The following SHPRH variants were observed in gnomAD, a reference collection of about 807,000 sequenced individuals.
SHPRH encodes the protein SNF2 histone linker PHD RING helicase, also known as E3 ubiquitin-protein ligase SHPRH.
A neutral mutation model predicts 202.5 loss-of-function variants in SHPRH; 106 were observed. The observed-to-expected ratio is 0.52, with a 90% CI of 0.45 to 0.62. The LOEUF is 0.62. SHPRH is among the 20% of genes least tolerant of loss of function. The pLI is 0.00. For missense variants in SHPRH, 1,710 were observed against 2,020.0 expected, an observed-to-expected ratio of 0.85 and a Z score of 2.94; for synonymous variants, 729 against 686.0, an observed-to-expected ratio of 1.06 and a Z score of -0.98.
intron 2 of SHPRH, among the ~76,000 whole-genome samples, chr6:145,869,503 GT>G (rs1779956722): frequency 6.6e-6 from 1 of 152,148 alleles, no homozygotes; most frequent in African/African-American, 2.4e-5. Flanking sequence ...TTCATTTTGA[GT>G]TAATTTTTGT....
chr6:145,864,994 C>CCTTTCTATTTA, intron 2 of SHPRH, among the ~76,000 whole-genome samples: 1 of 150,890 alleles, frequency 6.6e-6, no homozygotes, highest in African/African-American at 2.4e-5. Flanking sequence ...GACCGTGGTG[C>CCTTTCTATTTA]CTTTCTATTT....
At chr6:145,858,456 C>A in the SHPRH span, among the ~76,000 whole-genome samples, 1 of 151,778 alleles carries the variant, frequency 6.6e-6, no homozygotes, top group Non-Finnish European at 1.5e-5. Context: ...AAAAGCCATA[C>A]CAAAAAAAGT....
At chr6:145,907,589 T>C (rs1783081267) in intron 25 of SHPRH, 1 of 152,148 alleles carries the variant, frequency 6.6e-6, no homozygotes, top group Non-Finnish European at 1.5e-5. Context: ...TTCTCCTTGC[T>C]TTCTACACTT....
At chr6:145,865,545 G>A (rs1053131300) in intron 2 of SHPRH, among the ~76,000 whole-genome samples, 3 of 152,210 alleles carry the variant, frequency 2.0e-5, no homozygotes, top group African/African-American at 7.2e-5. Context: ...TAAGACAGGT[G>A]GCCTTTGACC....
chr6:145,867,627 T>TAGAG (rs1296301891), intron 2 of SHPRH, among the ~76,000 whole-genome samples: 78 of 53,776 alleles, frequency 1.5e-3, no homozygotes, highest in African/African-American at 2.8e-3. Context: ...TATATATATA[T>TAGAG]ATATAGAGAG....
At chr6:145,862,461 CAAA>C (rs386408854), downstream of SHPRH, among the ~76,000 whole-genome samples, 1 of 150,368 alleles carries the variant, frequency 6.7e-6, no homozygotes, top group Non-Finnish European at 1.5e-5. Flanking sequence ...ACAACAACAA[CAAA>C]AAACAAAAAG....
chr6:145,863,271 C>T (rs17075407), downstream of SHPRH, among the ~76,000 whole-genome samples: 1 of 152,226 alleles, frequency 6.6e-6, no homozygotes, highest in African/African-American at 2.4e-5. Context: ...AAATGAGAGA[C>T]GTGATTGCCA....
chr6:145,921,976 G>A (rs1024309882), intron 20 of SHPRH, among the ~76,000 whole-genome samples: 11 of 151,982 alleles, frequency 7.2e-5, no homozygotes, highest in Admixed American at 7.2e-4. Flanking sequence ...ACCTTGAATA[G>A]CAGTAAAATG....
At chr6:145,875,760 C>G (rs1008401026) in intron 2 of SHPRH, among the ~76,000 whole-genome samples, 3 of 152,242 alleles carry the variant, frequency 2.0e-5, no homozygotes, top group African/African-American at 7.2e-5. Flanking sequence ...CCACAGAAAG[C>G]TCTTCAGTTG....
intron 2 of SHPRH, among the ~76,000 whole-genome samples, chr6:145,953,194 T>A (rs1788159710): frequency 6.6e-6 from 1 of 152,072 alleles, no homozygotes; most frequent in Admixed American, 6.6e-5. Context: ...CCTGACTCCC[T>A]AATCACTGAG....
chr6:145,861,770 G>A (rs1486824310), downstream of SHPRH, among the ~76,000 whole-genome samples: 1 of 152,008 alleles, frequency 6.6e-6, no homozygotes, highest in Non-Finnish European at 1.5e-5. Context: ...CACATACATG[G>A]ATATAGATGT....
chr6:145,917,422 T>C (rs895558113), intron 23 of SHPRH: 2 of 152,166 alleles, frequency 1.3e-5, no homozygotes, highest in African/African-American at 4.8e-5. Flanking sequence ...CCATGCTATA[T>C]CTATAATGAA....
chr6:145,919,030 T>C (rs1344421587), intron 22 of SHPRH: 8 of 189,262 alleles, frequency 4.2e-5, no homozygotes, highest in Non-Finnish European at 1.1e-5. Flanking sequence ...GTGACAAAAA[T>C]GTCTAAAAAG....
chr6:145,950,586 C>G (rs1318830972), intron 3 of SHPRH, 104 bp from the exon 4 acceptor site: 1 of 998,602 alleles, frequency 1.0e-6, no homozygotes, highest in Non-Finnish European at 1.5e-6. Flanking sequence ...ACTCTGGGGC[C>G]TTGCTCAGTG....
chr6:145,858,706 T>C, the SHPRH span, among the ~76,000 whole-genome samples: 2 of 152,114 alleles, frequency 1.3e-5, no homozygotes, highest in Admixed American at 6.6e-5. Context: ...GTGCTGTTGA[T>C]GAAATGTGAA....
intron 4 of SHPRH, among the ~76,000 whole-genome samples, chr6:145,949,666 C>T (rs1787772927): frequency 3.3e-5 from 5 of 152,148 alleles, no homozygotes; most frequent in South Asian, 4.1e-4. Context: ...GCCCAGACTT[C>T]ACCACTATGC....
chr6:145,903,255 T>C (rs1782656189), intron 25 of SHPRH: 1 of 151,902 alleles, frequency 6.6e-6, no homozygotes, highest in Non-Finnish European at 1.5e-5. Flanking sequence ...TCAGTTTTTT[T>C]CACTCAGATG....
rs1787679680 is a variant in SHPRH, at chr6:145,948,860, A to G, written c.983-510T>C. Among the ~76,000 whole-genome samples the G allele has an allele frequency of 3.3e-5, 5 of 151,986 alleles. No individual in the cohort carries two copies. The South Asian group carries it at 1.0e-3, about 31-fold the overall frequency. Reference sequence around the variant, plus strand: ...AAAATATCTAAAACCATAACTCAGAAGTGCTGAGTTTGTTTCTACCAGAAT... The same window carrying G: ...AAAATATCTAAAACCATAACTCAGAGGTGCTGAGTTTGTTTCTACCAGAAT... On this transcript the variant is annotated intron_variant, in intron 4 of 29. Coordinates refer to ENST00000275233, the MANE Select transcript of SHPRH (RefSeq NM_001042683.3).
At position 145,943,171 on chromosome 6, in the gene SHPRH, T is replaced by A; in HGVS notation, c.2210A>T (p.His737Leu). The A allele has an allele frequency of 6.2e-7, 1 of 1,607,976 alleles. No homozygotes were observed. The highest frequency in any genetic ancestry group is 8.5e-7 in the Non-Finnish European group (1 of 1,176,276). The change falls in exon 9 of 30, where the codon CAT (histidine) becomes CTT (leucine). Residue 737 changes from histidine (H) to leucine (L), a missense_variant. This residue lies in a region of SHPRH where 277 missense variants were observed against 363.0 expected (regional missense o/e 0.76). Transcript: ENST00000275233. ...CHQWVDEINR[H>L]VRSSSLRVLV... ...GACTCGAAGAGATGACGACCTCACA[T>A]GCCTGTTGATCTCATCCACCCACTG...
Sources: gnomAD v4.1 joint callset for allele counts (sites outside exome capture counted in the v4.1 genomes callset) on GRCh38, gnomAD v4.1.1 for gene constraint, gnomAD v4.1.1 regional missense constraint, MANE v1.5 for transcripts, NCBI Gene and HGNC (gene_info 2026-07-23, HGNC 2026-07-21) for gene names.